GOLGA1: variants seen among roughly 807,000 people sequenced by gnomAD.
GOLGA1 encodes the protein golgin A1.
GOLGA1 carries 63 observed loss-of-function variants against 119.7 expected under a neutral mutation model. The ratio of observed to expected loss-of-function variants is 0.53; its 90% CI spans 0.43 to 0.65. The LOEUF (loss-of-function observed/expected upper bound fraction) is 0.65. GOLGA1 is among the 30% of genes least tolerant of loss of function. The pLI, the probability that GOLGA1 is intolerant of heterozygous loss-of-function variation, is 0.00. For missense variants in GOLGA1, 798 were observed against 912.8 expected, an observed-to-expected ratio of 0.87 and a Z score of 1.62; for synonymous variants, 318 against 333.4, an observed-to-expected ratio of 0.95 and a Z score of 0.50.
intron 15 of GOLGA1, among the ~76,000 whole-genome samples, chr9:124,892,707 C>T (rs755008158): frequency 2.0e-4 from 31 of 152,004 alleles, no homozygotes; most frequent in East Asian, 5.8e-4. Context: ...CAAAAGTGGA[C>T]GGATCACCTG....
intron 19 of GOLGA1, 38 bp from the exon 20 acceptor site, chr9:124,882,607 G>A (rs1263335049): frequency 1.3e-6 from 2 of 1,537,692 alleles, no homozygotes; most frequent in Non-Finnish European, 1.8e-6. Flanking sequence ...CCAATCGTTA[G>A]ATGCATGTTT....
At chr9:124,912,276 T>C (rs994101435) in intron 10 of GOLGA1, among the ~76,000 whole-genome samples, 3 of 152,110 alleles carry the variant, frequency 2.0e-5, no homozygotes, top group Non-Finnish European at 4.4e-5. Context: ...ACTGACAGTC[T>C]GGAACAAAGG....
intron 9 of GOLGA1, among the ~76,000 whole-genome samples, 193 bp from the exon 10 acceptor site, chr9:124,921,433 T>G (rs1342169586): frequency 6.6e-6 from 1 of 152,152 alleles, no homozygotes; most frequent in Non-Finnish European, 1.5e-5. Flanking sequence ...CACCCTAGTT[T>G]AAGAAAGAAA....
intron 15 of GOLGA1, among the ~76,000 whole-genome samples, chr9:124,895,151 C>G (rs1457315864): frequency 2.0e-4 from 30 of 147,990 alleles, no homozygotes; most frequent in African/African-American, 7.3e-4. Flanking sequence ...ACAACAGACT[C>G]TCCACAACAG....
chr9:124,910,744 AGTG>A (rs1366651643), intron 11 of GOLGA1, among the ~76,000 whole-genome samples: 1 of 152,146 alleles, frequency 6.6e-6, no homozygotes, highest in East Asian at 1.9e-4. Flanking sequence ...CAGTCACATC[AGTG>A]GTGGTGTTAG....
Position 124,888,267 on chromosome 9 carries a change from G to T in GOLGA1, c.1891C>A (p.Leu631Met), listed in dbSNP as rs756860020. The T allele has an allele frequency of 1.9e-6, 3 of 1,614,122 alleles. No individual in the cohort carries two copies. The South Asian group carries it at 3.3e-5, about 18-fold the overall frequency. ...KEKQDLEQQL[L>M]EKNKTIKQMQ... ...GGCATCCTCACCTTATTTTTCTCCAGAAGTTGCTGCTCCAAGTCCTGTTTC... is the reference window on the plus strand; with the variant it reads ...GGCATCCTCACCTTATTTTTCTCCATAAGTTGCTGCTCCAAGTCCTGTTTC... Residue 631 changes from leucine to methionine, a missense_variant, in exon 19 of 23, where the codon CTG (leucine) becomes ATG (methionine). Physicochemically the swap from Leu to Met is conservative, Grantham distance 15 (BLOSUM62 2). Coordinates refer to ENST00000373555, the MANE Select transcript of GOLGA1 (RefSeq NM_002077.4). This position sits in a 1 kb window ranked among gnomAD's most constrained non-coding sequence, Gnocchi z 4.4.
intron 12 of GOLGA1, among the ~76,000 whole-genome samples, chr9:124,902,773 G>C (rs1830138609): frequency 6.6e-6 from 1 of 152,202 alleles, no homozygotes; most frequent in Non-Finnish European, 1.5e-5. Context: ...ACAGGCATGA[G>C]CCACCGTGTC....
intron 12 of GOLGA1, among the ~76,000 whole-genome samples, chr9:124,906,491 T>G (rs1286426522): frequency 6.6e-6 from 1 of 151,748 alleles, no homozygotes; most frequent in Non-Finnish European, 1.5e-5. Flanking sequence ...GGCTCACGCC[T>G]ATAAACCCAG....
intron 6 of GOLGA1, 101 bp downstream of exon 6, chr9:124,928,087 T>C: frequency 3.6e-6 from 2 of 550,256 alleles, no homozygotes; most frequent in Non-Finnish European, 6.5e-6. Flanking sequence ...TCTCTTCTCC[T>C]AGGCTATAAA....
intron 15 of GOLGA1, among the ~76,000 whole-genome samples, chr9:124,895,781 A>ACAACAGAGAACCATCCC (rs1829970581): frequency 6.7e-6 from 1 of 148,668 alleles, no homozygotes; most frequent in South Asian, 2.2e-4. Flanking sequence ...GAGAGCCTCC[A>ACAACAGAGAACCATCCC]CAACAGAGAA....
intron 19 of GOLGA1, among the ~76,000 whole-genome samples, chr9:124,884,824 A>G (rs993957570): frequency 2.0e-5 from 3 of 152,188 alleles, no homozygotes; most frequent in African/African-American, 7.2e-5. Context: ...TTCATCTAAT[A>G]GTTACTGAGT....
At chr9:124,916,877 C>CAAAAAAA (rs71494043) in intron 10 of GOLGA1, among the ~76,000 whole-genome samples, 11 of 41,192 alleles carry the variant, frequency 2.7e-4, no homozygotes, top group East Asian at 2.2e-3. Flanking sequence ...CCCTGACACA[C>CAAAAAAA]AAAAAAAAAA....
chr9:124,940,925 G>A (rs1476372904), intron 1 of GOLGA1, 46 bp downstream of exon 1: 2 of 152,304 alleles, frequency 1.3e-5, no homozygotes, highest in South Asian at 2.1e-4. Context: ...AGGCCACTGG[G>A]AGAATAAGGG....
intron 3 of GOLGA1, among the ~76,000 whole-genome samples, chr9:124,931,818 TAA>T (rs1439490707): frequency 1.3e-5 from 2 of 152,208 alleles, no homozygotes; most frequent in Non-Finnish European, 2.9e-5. Flanking sequence ...CCGATATTGA[TAA>T]AGTTTCAGTA....
rs1295005764 is a variant in GOLGA1 at position 124,911,988 on chromosome 9, T to C, written c.882A>G (p.Thr294=). The C allele has an allele frequency of 6.2e-7, 1 of 1,613,280 alleles. No homozygotes were observed. Among genetic ancestry groups the C allele is most frequent in the Admixed American group, 1.7e-5 (1 of 60,016 alleles). ...AGGATGCAACCTTCTCTTGCAAATGTGTGATAACGTCTTCTTTCTCTTGAG... is the reference window on the plus strand; with the variant it reads ...AGGATGCAACCTTCTCTTGCAAATGCGTGATAACGTCTTCTTTCTCTTGAG... The part of the protein sequence containing the change: ...AETQEKEDVI[T]HLQEKVASLE... The change falls in exon 11 of 23, where the codon ACA becomes ACG. Residue 294 remains threonine, a synonymous_variant. Coordinates refer to ENST00000373555, the MANE Select transcript of GOLGA1 (RefSeq NM_002077.4).
chr9:124,911,728 C>G (rs1208233851), intron 11 of GOLGA1, among the ~76,000 whole-genome samples, 173 bp downstream of exon 11: 1 of 152,184 alleles, frequency 6.6e-6, no homozygotes, highest in African/African-American at 2.4e-5. Context: ...ATGTCACCCA[C>G]AGGGGACATA....
chr9:124,907,204 A>G (rs655791), intron 12 of GOLGA1, among the ~76,000 whole-genome samples: 149,433 of 152,242 alleles, frequency 0.98, 73,394 homozygotes, highest in East Asian at 1. Flanking sequence ...ATGTGCAGAC[A>G]GAAACAATAC....
At position 124,920,279 on chromosome 9, in the gene GOLGA1, C is replaced by A. The variant is rs1830540107; in HGVS notation, c.843+850G>T. 2.0e-5 allele frequency among the ~76,000 whole-genome samples: 3 copies of A among 150,824 alleles called. No individual in the cohort carries two copies. The South Asian group carries it at 6.3e-4, about 32-fold the overall frequency. Reference sequence around the variant, plus strand: ...GAACTACAGGTGCACACCACCACAACTGGCTAATTTTTTTTTTTTTTTTTG... The same window carrying A: ...GAACTACAGGTGCACACCACCACAAATGGCTAATTTTTTTTTTTTTTTTTG... On this transcript the variant is annotated intron_variant, in intron 10 of 22. Coordinates refer to ENST00000373555, the MANE Select transcript of GOLGA1 (RefSeq NM_002077.4).
chr9:124,889,526 A>T lies in GOLGA1; in HGVS notation c.1508T>A (p.Leu503Gln), dbSNP rs1829807553. 1 of 1,610,868 alleles carries T rather than the reference A, an allele frequency of 6.2e-7. No individual in the cohort carries two copies. The highest frequency in any genetic ancestry group is 1.3e-5 in the African/African-American group (1 of 74,836). Residue 503 changes from leucine to glutamine, a missense_variant, in exon 17 of 23, where the codon CTG becomes CAG. Coordinates refer to ENST00000373555, the MANE Select transcript of GOLGA1 (RefSeq NM_002077.4). ...TTCCTTCTCGTCTATTATGGCTGTC[A>T]GGTTAGCTGCCTTGGAGAGAAAAAT... Reference protein sequence around the residue: ...REEFQQQAANLTAIIDEKEQN... With the variant: ...REEFQQQAANQTAIIDEKEQN...
Sources: gnomAD v4.1 joint callset for allele counts (sites outside exome capture counted in the v4.1 genomes callset) on GRCh38, gnomAD v4.1.1 for gene constraint, Gnocchi (gnomAD v3.1) non-coding constraint, MANE v1.5 for transcripts, NCBI Gene and HGNC (gene_info 2026-07-23, HGNC 2026-07-21) for gene names.